UMAD1: variants seen among roughly 807,000 people sequenced by gnomAD.
UMAD1 encodes UBAP1-MVB12-associated (UMA)-domain containing protein 1.
Under a neutral mutation model 6.1 loss-of-function variants are expected in UMAD1, and 8 were observed. The ratio of observed to expected loss-of-function variants is 1.30; its 90% CI spans 0.76 to 2.35. UMAD1 has a LOEUF of 2.35. Among genes scored for constraint, UMAD1 ranks in the 30% most tolerant of loss-of-function variants. UMAD1 has a pLI of 0.00. For synonymous variants in UMAD1, 56 were observed against 31.4 expected (o/e 1.78, Z -2.61); for missense variants, 130 against 78.4 (o/e 1.66, Z -2.49).
chr7:7,711,587 TTTC>T (rs781266220), intron 2 of UMAD1, among the ~76,000 whole-genome samples: 7 of 152,162 alleles, frequency 4.6e-5, no homozygotes, highest in East Asian at 3.8e-4. Context: ...TAATTTACAT[TTTC>T]TTGTTTATAA....
intron 2 of UMAD1, among the ~76,000 whole-genome samples, chr7:7,707,346 C>G (rs1396466362): frequency 6.6e-6 from 1 of 152,114 alleles, no homozygotes; most frequent in Non-Finnish European, 1.5e-5. Flanking sequence ...AAATTTGTAA[C>G]TACGGTACTT....
chr7:7,742,312 C>A, intron 2 of UMAD1: 1 of 630,276 alleles, frequency 1.6e-6, no homozygotes, highest in Non-Finnish European at 3.1e-6. Flanking sequence ...CAGTGGTCAG[C>A]GGAAATTTGA....
At chr7:7,859,891 G>T (rs16871947) in intron 3 of UMAD1, among the ~76,000 whole-genome samples, 6,176 of 152,210 alleles carry the variant, frequency 0.041, 213 homozygotes, top group South Asian at 0.16. Flanking sequence ...AGAAATTCCA[G>T]GTTGCTTATG....
intron 2 of UMAD1, among the ~76,000 whole-genome samples, chr7:7,733,137 C>T (rs1318866899): frequency 6.6e-6 from 1 of 152,022 alleles, no homozygotes; most frequent in African/African-American, 2.4e-5. Context: ...TTTTTTCAAA[C>T]AGCAGCAAGT....
At chr7:7,653,327 A>AATTT (rs1785269603) in intron 1 of UMAD1, among the ~76,000 whole-genome samples, 1 of 152,220 alleles carries the variant, frequency 6.6e-6, no homozygotes, top group South Asian at 2.1e-4. Flanking sequence ...GATGACACTA[A>AATTT]AGGCTGTAAA....
At chr7:7,669,882 C>T (rs1779562294) in intron 1 of UMAD1, among the ~76,000 whole-genome samples, 1 of 152,006 alleles carries the variant, frequency 6.6e-6, no homozygotes, top group African/African-American at 2.4e-5. Context: ...TGTTTTTTTC[C>T]ATGCCTACAC....
rs954251312 is a variant in UMAD1, at chr7:7,798,253, A to C, written c.83-3417A>C. On this transcript the variant is annotated intron_variant, in intron 2 of 3. Coordinates refer to ENST00000682710, the MANE Select transcript of UMAD1 (RefSeq NM_001302348.2). ...TTTGCCAACCCCTCGTCTAAAATAT[A>C]GATGAGTTTCACATCAGTCCTTTAA... Among the ~76,000 whole-genome samples, 3 of 152,240 alleles carry C rather than the reference A, an allele frequency of 2.0e-5. No homozygotes were observed. The East Asian group carries it at 5.8e-4, about 29-fold the overall frequency.
intron 2 of UMAD1, among the ~76,000 whole-genome samples, chr7:7,705,955 T>TA (rs1337360059): frequency 2.0e-5 from 3 of 152,154 alleles, no homozygotes; most frequent in Non-Finnish European, 2.9e-5. Flanking sequence ...AAAACTGCTC[T>TA]AAAAAATAAC....
intron 3 of UMAD1, among the ~76,000 whole-genome samples, chr7:7,804,134 C>T (rs546606593): frequency 6.6e-6 from 1 of 152,196 alleles, no homozygotes; most frequent in Non-Finnish European, 1.5e-5. Flanking sequence ...TCAAAAGTGC[C>T]TTCTATGCAA....
At chr7:7,730,197 T>G (rs1781220042) in intron 2 of UMAD1, among the ~76,000 whole-genome samples, 1 of 152,254 alleles carries the variant, frequency 6.6e-6, no homozygotes. Context: ...TCATCACTTT[T>G]GTCTTAACTG....
chr7:7,770,074 G>A (rs1405395160), intron 2 of UMAD1, among the ~76,000 whole-genome samples: 1 of 152,092 alleles, frequency 6.6e-6, no homozygotes, highest in Non-Finnish European at 1.5e-5. Context: ...AGTAGTGACT[G>A]TTCCAAACTG....
At chr7:7,753,240 A>G (rs969796909) in intron 2 of UMAD1, among the ~76,000 whole-genome samples, 2 of 152,168 alleles carry the variant, frequency 1.3e-5, no homozygotes, top group African/African-American at 4.8e-5. Flanking sequence ...AAAATGAGGT[A>G]TCCATCCTCT....
At chr7:7,796,240 C>CTTTTTTT (rs1782675248) in intron 2 of UMAD1, among the ~76,000 whole-genome samples, 8 of 95,980 alleles carry the variant, frequency 8.3e-5, no homozygotes, top group African/African-American at 4.0e-4. Context: ...TTTCTATTTT[C>CTTTTTTT]TTTCTTTTTT....
chr7:7,690,343 T>C (rs929349307), intron 2 of UMAD1, among the ~76,000 whole-genome samples: 9 of 152,132 alleles, frequency 5.9e-5, no homozygotes, highest in Non-Finnish European at 1.3e-4. Context: ...CCTTTTACCA[T>C]CCCAAATTTC....
At chr7:7,726,797 C>T (rs532741897) in intron 2 of UMAD1, among the ~76,000 whole-genome samples, 45 of 152,268 alleles carry the variant, frequency 3.0e-4, no homozygotes, top group East Asian at 1.9e-3. Flanking sequence ...CCTTTGGGCA[C>T]CTCCCACCTT....
At chr7:7,856,344 T>C (rs1176725956) in intron 3 of UMAD1, among the ~76,000 whole-genome samples, 1 of 152,184 alleles carries the variant, frequency 6.6e-6, no homozygotes, top group Non-Finnish European at 1.5e-5. Context: ...CTTACAGTCA[T>C]GGTAGAAGGC....
At chr7:7,698,451 T>G (rs1445375924) in intron 2 of UMAD1, among the ~76,000 whole-genome samples, 2 of 152,248 alleles carry the variant, frequency 1.3e-5, no homozygotes, top group Non-Finnish European at 2.9e-5. Context: ...CAGCTTAGCC[T>G]TTTCCTTAGA....
chr7:7,751,081 T>C (rs544242192), intron 2 of UMAD1, among the ~76,000 whole-genome samples: 1 of 152,324 alleles, frequency 6.6e-6, no homozygotes, highest in East Asian at 1.9e-4. Context: ...TTATGCAGGC[T>C]TCTCTTTGTG....
At chr7:7,716,637 A>T (rs888962073) in intron 2 of UMAD1, among the ~76,000 whole-genome samples, 1 of 152,242 alleles carries the variant, frequency 6.6e-6, no homozygotes, top group African/African-American at 2.4e-5. Flanking sequence ...CCATCTGCCT[A>T]GTAAAAGATT....
Sources: gnomAD v4.1 joint callset for allele counts (sites outside exome capture counted in the v4.1 genomes callset) on GRCh38, gnomAD v4.1.1 for gene constraint, MANE v1.5 for transcripts, NCBI Gene and HGNC (gene_info 2026-07-23, HGNC 2026-07-21) for gene names.